Variants in MTCL1 observed in about 807,000 individuals in gnomAD.
MTCL1 encodes the protein microtubule crosslinking factor 1.
A neutral mutation model predicts 141.4 loss-of-function variants in MTCL1; 79 were observed. That is an observed-to-expected ratio of 0.56 (90% CI 0.47 to 0.67). MTCL1 has a LOEUF of 0.67. Ranked by LOEUF, MTCL1 falls within the 30% of genes least tolerant of loss-of-function variation. The probability of loss-of-function intolerance (pLI) is 0.00; values close to 1 mark genes in which losing one functional copy is unlikely to be tolerated. For missense variants in MTCL1, 2,177 were observed against 2,113.9 expected (o/e 1.03, Z -0.59); for synonymous variants, 914 against 875.8 (o/e 1.04, Z -0.77).
exon 6 of MTCL1, chr18:8,784,438 G>A (rs371686623): frequency 9.1e-6 from 14 of 1,531,238 alleles, no homozygotes; most frequent in Admixed American, 2.1e-5. Context: ...CATGCCCCAC[G>A]GAGCTCCTGA....
At chr18:8,739,070 G>C (rs140687182) in intron 4 of MTCL1, among the ~76,000 whole-genome samples, 1 of 152,150 alleles carries the variant, frequency 6.6e-6, no homozygotes, top group Non-Finnish European at 1.5e-5. Flanking sequence ...AAGACCTTGC[G>C]TCTACAAAAA....
At chr18:8,813,326 C>A in intron 12 of MTCL1, 93 bp downstream of exon 11, 2 of 1,416,582 alleles carry the variant, frequency 1.4e-6, no homozygotes, top group Non-Finnish European at 1.9e-6. Flanking sequence ...GCTTCATGGT[C>A]CTTGCAGCAT....
At chr18:8,818,436 A>C (rs551169379) in intron 12 of MTCL1, among the ~76,000 whole-genome samples, 1 of 152,306 alleles carries the variant, frequency 6.6e-6, no homozygotes, top group Non-Finnish European at 1.5e-5. Flanking sequence ...GTTATGTTTA[A>C]CACCAAATGG....
intron 1 of MTCL1, among the ~76,000 whole-genome samples, chr18:8,710,875 C>T (rs375295731): frequency 0.034 from 1,343 of 39,896 alleles, no homozygotes; most frequent in Middle Eastern, 0.08. Context: ...TTTCTTTTTT[C>T]TTTTTTTTTT....
In MTCL1 at chr18:8,822,798, G is replaced by A. The variant is rs368494099; in HGVS notation, c.3188+1300G>A. On this transcript the variant is annotated intron_variant, in intron 14 of 16. Transcript: ENST00000359865. This position sits in a 1 kb window ranked among gnomAD's most constrained non-coding sequence, Gnocchi z 4.6. ...GTCATTACACCCTCCCACCTTCCCCGTTCACAGCAGCAGCCACATCAGTGT... is the reference window on the plus strand; with the variant it reads ...GTCATTACACCCTCCCACCTTCCCCATTCACAGCAGCAGCCACATCAGTGT... Among the ~76,000 whole-genome samples the A allele has an allele frequency of 7.2e-5, 11 of 151,948 alleles. No homozygotes were observed. Among genetic ancestry groups the A allele is most frequent in the Admixed American group, 3.3e-4 (5 of 15,258 alleles).
intron 5 of MTCL1, chr18:8,782,825 T>C (rs8083918): frequency 0.88 from 134,180 of 152,310 alleles, 59,451 homozygotes; most frequent in East Asian, 0.95. Context: ...ACTGACTCAG[T>C]ACGTGCCTGG....
intron 10 of MTCL1, among the ~76,000 whole-genome samples, chr18:8,798,719 C>T (rs1224281920): frequency 1.3e-5 from 2 of 152,134 alleles, no homozygotes; most frequent in Non-Finnish European, 2.9e-5. Flanking sequence ...AAACATAATG[C>T]TCCCAAATAA....
At chr18:8,786,151 G>C in intron 7 of MTCL1, 60 bp downstream of exon 6, 1 of 1,511,052 alleles carries the variant, frequency 6.6e-7, no homozygotes, top group East Asian at 2.5e-5. Flanking sequence ...TGTGTGGCTG[G>C]CTGTGTGACG....
intron 4 of MTCL1, among the ~76,000 whole-genome samples, chr18:8,761,671 G>A (rs1257845780): frequency 6.6e-6 from 1 of 152,192 alleles, no homozygotes; most frequent in Non-Finnish European, 1.5e-5. Flanking sequence ...CACATGGCTG[G>A]GGAGACCTTA....
chr18:8,776,042 G>A (rs138195685), intron 4 of MTCL1, among the ~76,000 whole-genome samples: 1 of 152,294 alleles, frequency 6.6e-6, no homozygotes, highest in African/African-American at 2.4e-5. Flanking sequence ...TTCTAACTGC[G>A]ATGTAAGGGA....
intron 8 of MTCL1, among the ~76,000 whole-genome samples, chr18:8,795,555 T>C (rs1199940069): frequency 6.6e-6 from 1 of 152,266 alleles, no homozygotes; most frequent in Non-Finnish European, 1.5e-5. Context: ...GAATTTAATG[T>C]GGAGATGCCA....
chr18:8,826,295 G>T, intron 15 of MTCL1, 63 bp downstream of exon 14: 1 of 1,403,168 alleles, frequency 7.1e-7, no homozygotes, highest in Non-Finnish European at 9.5e-7. Context: ...TGTGGGGCAG[G>T]TTGGGACTTG....
At chr18:8,786,118 C>CCCCCCCCA in intron 7 of MTCL1, 27 bp downstream of exon 6, 1 of 1,400,604 alleles carries the variant, frequency 7.1e-7, no homozygotes, top group Non-Finnish European at 9.4e-7. Context: ...AATCCCCCCC[C>CCCCCCCCA]CCCGCCCTCC....
intron 6 of MTCL1, 97 bp from the exon 6 acceptor site, chr18:8,785,839 C>T: frequency 1.4e-6 from 2 of 1,449,268 alleles, no homozygotes; most frequent in Middle Eastern, 2.6e-4. Flanking sequence ...TTTCTTTATC[C>T]CCCCTCCCTG....
intron 14 of MTCL1, among the ~76,000 whole-genome samples, chr18:8,824,030 C>T (rs1224267980): frequency 2.0e-5 from 3 of 152,196 alleles, no homozygotes; most frequent in African/African-American, 7.2e-5. Flanking sequence ...CCCCATCCCA[C>T]CCCAGCTGGA....
chr18:8,800,912 T>TAAAAAAAAA (rs34820527), intron 10 of MTCL1: 1 of 145,826 alleles, frequency 6.9e-6, no homozygotes, highest in Admixed American at 6.7e-5. Context: ...AACAACTAAG[T>TAAAAAAAAA]AAAAAAAAAA....
At chr18:8,802,823 A>T (rs537091197) in intron 10 of MTCL1, among the ~76,000 whole-genome samples, 2 of 152,242 alleles carry the variant, frequency 1.3e-5, no homozygotes, top group East Asian at 3.9e-4. Flanking sequence ...GAAAAGCCAG[A>T]TTTTTGAGTT....
Position 8,828,768 on chromosome 18 carries a change from C to G in MTCL1, c.4723-140C>G. On this transcript the variant is annotated intron_variant, in intron 15 of 16. Transcript: ENST00000359865. The surrounding 1 kb of genome is among the most constrained non-coding windows in gnomAD (Gnocchi z 5.2). ...GCTAGATCTGAGAGCCCGCAAGTCT[C>G]TCCTGGTGGCTACCCCTGAGCGAGA... The G allele has an allele frequency of 7.1e-7, 1 of 1,413,870 alleles. No homozygotes were observed. The highest frequency in any genetic ancestry group is 1.3e-5 in the South Asian group (1 of 74,088). The allele number at this position is 1,413,870 out of a possible 1,614,324, so 87.6% of individuals were successfully genotyped here.
chr18:8,720,021 CAATT>C (rs5823027), intron 3 of MTCL1: 80,237 of 232,676 alleles, frequency 0.34, 14,152 homozygotes, highest in Admixed American at 0.45. Context: ...GCTTTAAAAA[CAATT>C]TATTTATTTT....
Sources: gnomAD v4.1 joint callset for allele counts (sites outside exome capture counted in the v4.1 genomes callset) on GRCh38, gnomAD v4.1.1 for gene constraint, Gnocchi (gnomAD v3.1) non-coding constraint, MANE v1.5 for transcripts, NCBI Gene and HGNC (gene_info 2026-07-23, HGNC 2026-07-21) for gene names.